B3GNT2: variants seen among roughly 807,000 people sequenced by gnomAD.
The protein encoded by B3GNT2 is N-acetyllactosaminide beta-1,3-N-acetylglucosaminyltransferase 2.
B3GNT2 carries 12 observed loss-of-function variants against 27.6 expected under a neutral mutation model. The ratio of observed to expected loss-of-function variants is 0.44; its 90% CI spans 0.28 to 0.71. The LOEUF is 0.71. Among genes scored for constraint, B3GNT2 ranks in the 30% least tolerant of loss-of-function variants. The pLI, the probability that B3GNT2 is intolerant of heterozygous loss-of-function variation, is 0.17. For synonymous variants in B3GNT2, 192 were observed against 189.7 expected, an observed-to-expected ratio of 1.01 and a Z score of -0.10; for missense variants, 413 against 488.5, an observed-to-expected ratio of 0.85 and a Z score of 1.46.
intron 1 of B3GNT2, among the ~76,000 whole-genome samples, chr2:62,206,957 T>A (rs1027877413): frequency 4.6e-5 from 7 of 152,224 alleles, no homozygotes; most frequent in African/African-American, 1.7e-4. Flanking sequence ...AAATTGAGAC[T>A]TCCCAAAGCA....
intron 1 of B3GNT2, among the ~76,000 whole-genome samples, chr2:62,209,262 C>A (rs972356979): frequency 2.0e-5 from 3 of 152,148 alleles, no homozygotes; most frequent in African/African-American, 7.2e-5. Flanking sequence ...CTGGACTCCC[C>A]AGTCCCCTGG....
chr2:62,215,866 G>C (rs1010910321), intron 1 of B3GNT2, among the ~76,000 whole-genome samples: 5 of 152,240 alleles, frequency 3.3e-5, no homozygotes, highest in Non-Finnish European at 5.9e-5. Flanking sequence ...CTCAGCCTGA[G>C]TGGGTGGGGG....
chr2:62,200,300 C>G (rs961177737), intron 1 of B3GNT2, among the ~76,000 whole-genome samples: 1 of 152,074 alleles, frequency 6.6e-6, no homozygotes, highest in African/African-American at 2.4e-5. Context: ...AAAACAAAAA[C>G]CATTTTCTGA....
At chr2:62,198,598 G>T (rs1450029562) in intron 1 of B3GNT2, among the ~76,000 whole-genome samples, 1 of 152,186 alleles carries the variant, frequency 6.6e-6, no homozygotes, top group East Asian at 1.9e-4. Context: ...AGCATGATTT[G>T]CTTGTTGTTC....
chr2:62,222,311 A>G lies in B3GNT2; in HGVS notation c.91A>G (p.Ser31Gly). Residue 31 changes from serine to glycine, a missense_variant, in exon 2 of 2, where the codon AGT becomes GGT. Ser to Gly is a moderately conservative substitution (Grantham distance 56, BLOSUM62 0). Coordinates refer to ENST00000301998, the MANE Select transcript of B3GNT2 (RefSeq NM_006577.6). This position sits in a 1 kb window ranked among gnomAD's most constrained non-coding sequence, Gnocchi z 4.2. ...IYFIMEVSKS[S>G]SQEKNGKGEV... ...TTTTATTATGGAAGTCTCCAAAAGC[A>G]GTAGCCAAGAAAAAAATGGAAAAGG... 6.2e-7 allele frequency: 1 copy of G among 1,614,204 alleles called. No homozygotes were observed. Among genetic ancestry groups the G allele is most frequent in the South Asian group, 1.1e-5 (1 of 91,068 alleles).
intron 1 of B3GNT2, among the ~76,000 whole-genome samples, chr2:62,211,192 C>CA (rs1282547936): frequency 2.0e-5 from 3 of 152,080 alleles, no homozygotes; most frequent in Non-Finnish European, 4.4e-5. Flanking sequence ...CCTGTCTCCA[C>CA]AAAAAATACC....
intron 1 of B3GNT2, among the ~76,000 whole-genome samples, chr2:62,213,139 C>A (rs1206464731): frequency 4.6e-5 from 7 of 152,062 alleles, no homozygotes; most frequent in Non-Finnish European, 8.8e-5. Flanking sequence ...GAGGAGACCT[C>A]GTCTCTACAA....
intron 1 of B3GNT2, among the ~76,000 whole-genome samples, chr2:62,216,197 T>C (rs188129902): frequency 6.8e-4 from 104 of 152,254 alleles, no homozygotes; most frequent in African/African-American, 2.3e-3. Flanking sequence ...TTTAGGGTCA[T>C]TGGGTTCAGG....
intron 1 of B3GNT2, among the ~76,000 whole-genome samples, chr2:62,205,299 G>A (rs1674352062): frequency 6.6e-6 from 1 of 152,202 alleles, no homozygotes; most frequent in Admixed American, 6.5e-5. Context: ...CTTGGCGGGT[G>A]GCCGGAGAAA....
intron 1 of B3GNT2, among the ~76,000 whole-genome samples, chr2:62,198,275 T>C (rs1200365710): frequency 6.6e-6 from 1 of 152,244 alleles, no homozygotes; most frequent in Non-Finnish European, 1.5e-5. Context: ...GGCAAGTTAT[T>C]CTTCACCTGA....
At chr2:62,207,586 A>G (rs1370709618) in intron 1 of B3GNT2, among the ~76,000 whole-genome samples, 1 of 152,172 alleles carries the variant, frequency 6.6e-6, no homozygotes, top group Non-Finnish European at 1.5e-5. Context: ...GTGGGAGGAT[A>G]TGCGAGATGG....
chr2:62,221,700 C>T (rs767741741), intron 1 of B3GNT2: 2 of 350,648 alleles, frequency 5.7e-6, no homozygotes, highest in Non-Finnish European at 1.1e-5. Context: ...GAGTGAATGA[C>T]ATGGAACTGC....
intron 1 of B3GNT2, among the ~76,000 whole-genome samples, chr2:62,216,745 G>T (rs775695082): frequency 8.5e-5 from 13 of 152,150 alleles, no homozygotes; most frequent in South Asian, 2.1e-4. Flanking sequence ...GTAGGAAAAT[G>T]GGCGCCCTTG....
chr2:62,209,642 C>G lies in B3GNT2; in HGVS notation c.-9-12570C>G, dbSNP rs371068328. Reference sequence around the variant, plus strand: ...TACCCGCCCCCACGCCGTCACCCCCCACACACACCAAGAGTGAGATGGTAC... The same window carrying G: ...TACCCGCCCCCACGCCGTCACCCCCGACACACACCAAGAGTGAGATGGTAC... On this transcript the variant is annotated intron_variant, in intron 1 of 1. Transcript: ENST00000301998. 2.6e-5 allele frequency among the ~76,000 whole-genome samples: 4 copies of G among 152,138 alleles called. No individual in the cohort carries two copies. The East Asian group carries it at 5.8e-4, about 22-fold the overall frequency.
intron 1 of B3GNT2, among the ~76,000 whole-genome samples, chr2:62,197,571 C>G (rs1405411801): frequency 1.3e-5 from 2 of 152,258 alleles, no homozygotes; most frequent in Non-Finnish European, 2.9e-5. Flanking sequence ...AACAATTAAA[C>G]TATATTCTTT....
intron 1 of B3GNT2, among the ~76,000 whole-genome samples, chr2:62,218,013 C>A (rs1372641242): frequency 6.6e-6 from 1 of 152,198 alleles, no homozygotes; most frequent in African/African-American, 2.4e-5. Context: ...TCTGTTACAA[C>A]AGAAAGTCTG....
chr2:62,215,704 A>G (rs1447507591), intron 1 of B3GNT2: 1 of 152,206 alleles, frequency 6.6e-6, no homozygotes, highest in East Asian at 1.9e-4. Context: ...TGGCCTCGTG[A>G]TATGGCAGGG....
In B3GNT2 at chr2:62,222,932, A is replaced by C; in HGVS notation, c.712A>C (p.Thr238Pro). 6.2e-7 allele frequency: 1 copy of C among 1,614,230 alleles called. No homozygotes were observed. Among genetic ancestry groups the C allele is most frequent in the South Asian group, 1.1e-5 (1 of 91,082 alleles). The change falls in exon 2 of 2, where the codon ACT becomes CCT. Residue 238 changes from threonine (T) to proline (P), a missense_variant. Transcript: ENST00000301998. This position sits in a 1 kb window ranked among gnomAD's most constrained non-coding sequence, Gnocchi z 4.2. ...GTGGGTAAGTACTTCCTGCCCAGAC[A>C]CTGAGTTTGTTTTCAAGGGCGATGA... ...LRWVSTSCPD[T>P]EFVFKGDDDV...
intron 1 of B3GNT2, among the ~76,000 whole-genome samples, chr2:62,217,362 C>T (rs1176697814): frequency 6.6e-6 from 1 of 152,190 alleles, no homozygotes; most frequent in Non-Finnish European, 1.5e-5. Context: ...AGTTCAGTCA[C>T]TTGTCCACCC....
Sources: allele counts gnomAD v4.1 joint callset (sites outside exome capture counted in the v4.1 genomes callset), GRCh38; gene constraint gnomAD v4.1.1; non-coding constraint Gnocchi (gnomAD v3.1); transcripts MANE v1.5; gene names NCBI Gene and HGNC (gene_info 2026-07-23, HGNC 2026-07-21).